Variants in CHMP3 observed in about 807,000 individuals in gnomAD.
CHMP3 encodes the protein charged multivesicular body protein 3, also known as 25.1 protein.
A neutral mutation model predicts 27.4 loss-of-function variants in CHMP3; 8 were observed. The observed-to-expected ratio is 0.29, with a 90% confidence interval of 0.17 to 0.53. CHMP3 has a LOEUF of 0.53. CHMP3 is among the 20% of genes least tolerant of loss of function. The pLI is 0.96. For missense variants in CHMP3, 208 were observed against 271.5 expected, an observed-to-expected ratio of 0.77 and a Z score of 1.64; for synonymous variants, 86 against 85.5, an observed-to-expected ratio of 1.01 and a Z score of -0.03.
intron 3 of CHMP3, chr2:86,511,514 T>TA (rs1171345863): frequency 8.6e-5 from 13 of 151,890 alleles, no homozygotes; most frequent in Non-Finnish European, 1.5e-4. Flanking sequence ...ATTAAAATGA[T>TA]AAAAAAGTTA....
At chr2:86,549,954 C>T (rs1333501022) in intron 1 of CHMP3, among the ~76,000 whole-genome samples, 2 of 152,014 alleles carry the variant, frequency 1.3e-5, no homozygotes, top group Non-Finnish European at 2.9e-5. Context: ...GGCTGATACG[C>T]TCCTCACTTC....
intron 2 of CHMP3, among the ~76,000 whole-genome samples, chr2:86,534,867 T>C (rs1263672270): frequency 5.3e-5 from 8 of 152,332 alleles, no homozygotes; most frequent in African/African-American, 1.9e-4. Flanking sequence ...AGTCTCACTC[T>C]TGTAGACAGT....
chr2:86,513,756 A>G (rs2104747192), intron 3 of CHMP3, among the ~76,000 whole-genome samples: 1 of 152,356 alleles, frequency 6.6e-6, no homozygotes, highest in Middle Eastern at 3.4e-3. Flanking sequence ...TGCCATTTGT[A>G]TCATGAGACT....
chr2:86,544,901 C>T (rs1471632795), intron 1 of CHMP3, among the ~76,000 whole-genome samples: 9 of 152,066 alleles, frequency 5.9e-5, no homozygotes, highest in East Asian at 3.9e-4. Flanking sequence ...CGGGCAGAGG[C>T]GCTCCTCACT....
At chr2:86,561,738 AGT>A (rs900605033) in intron 1 of CHMP3, 72 of 152,352 alleles carry the variant, frequency 4.7e-4, no homozygotes, top group African/African-American at 1.6e-3. Flanking sequence ...CCTACTGAAG[AGT>A]GTACCAATAT....
chr2:86,544,344 T>C (rs1182669518), intron 1 of CHMP3, among the ~76,000 whole-genome samples: 1 of 151,776 alleles, frequency 6.6e-6, no homozygotes, highest in East Asian at 1.9e-4. Context: ...CATTTTCTTT[T>C]TTTTTTTTTT....
At position 86,504,425 on chromosome 2, in the gene CHMP3, T is replaced by A. The variant is rs904393030; in HGVS notation, c.*1379A>T. The A allele has an allele frequency of 2.0e-5, 3 of 152,040 alleles. No individual in the cohort carries two copies. Among genetic ancestry groups the A allele is most frequent in the Admixed American group, 6.6e-5 (1 of 15,264 alleles). 9.4% of individuals were successfully genotyped at this position (152,040 alleles called of 1,614,324 possible). ...ACAACTGATTTAAAAAAATAATTATTTAAAATAATTTTTTAACTACACTCT... is the reference window on the plus strand; with the variant it reads ...ACAACTGATTTAAAAAAATAATTATATAAAATAATTTTTTAACTACACTCT... On this transcript the variant is annotated 3_prime_UTR_variant, in exon 6 of 6. Coordinates refer to ENST00000263856, the MANE Select transcript of CHMP3 (RefSeq NM_016079.4).
At chr2:86,510,709 C>A (rs922166042) in intron 3 of CHMP3, 1 of 493,970 alleles carries the variant, frequency 2.0e-6, no homozygotes, top group Admixed American at 3.8e-5. Flanking sequence ...CACCACATGA[C>A]CAATCTGGAG....
Position 86,507,508 on chromosome 2 carries a change from A to G in CHMP3, c.494T>C (p.Ile165Thr). The G allele has an allele frequency of 3.7e-6, 6 of 1,614,134 alleles. No homozygotes were observed. Among genetic ancestry groups the G allele is most frequent in the Non-Finnish European group, 5.1e-6 (6 of 1,180,026 alleles). The change falls in exon 5 of 6, where the codon ATT (isoleucine) becomes ACT (threonine). Residue 165 changes from isoleucine (I) to threonine (T), a missense_variant. Physicochemically the swap from Ile to Thr is moderately conservative, Grantham distance 89. Coordinates refer to ENST00000263856, the MANE Select transcript of CHMP3 (RefSeq NM_016079.4). ...EEMEEEAEME[I>T]DRILFEITAG... is the part of the protein sequence containing the mutation. The stretch of plus-strand genomic sequence containing the variant: ...TGTAATTTCAAAGAGAATTCTGTCA[A>G]TTTCCATTTCTGCTTCTTCCTCCAT...
At chr2:86,532,869 A>AT (rs1159428176) in intron 2 of CHMP3, among the ~76,000 whole-genome samples, 1 of 152,238 alleles carries the variant, frequency 6.6e-6, no homozygotes, top group Non-Finnish European at 1.5e-5. Flanking sequence ...ACCAATGTTC[A>AT]TAAGAGACAC....
chr2:86,507,394 AAAG>A (rs1674926287), intron 5 of CHMP3, 82 bp downstream of exon 5: 4 of 1,215,056 alleles, frequency 3.3e-6, no homozygotes, highest in Non-Finnish European at 4.8e-6. Flanking sequence ...GTTAATGCCT[AAAG>A]AAAAAGCTAC....
chr2:86,513,156 T>C (rs972654106), intron 3 of CHMP3, among the ~76,000 whole-genome samples: 6 of 152,174 alleles, frequency 3.9e-5, no homozygotes, highest in African/African-American at 1.4e-4. Flanking sequence ...GTCCAGACAA[T>C]GGAATATTAT....
Position 86,505,960 on chromosome 2 carries a change from A to G in CHMP3, c.524-11T>C, listed in dbSNP as rs1356956869. On this transcript the variant is annotated splice_polypyrimidine_tract_variant and intron_variant, in intron 5 of 5. Coordinates refer to ENST00000263856, the MANE Select transcript of CHMP3 (RefSeq NM_016079.4). ...CTTTGCCCAAGGCCCCTGAAAAGAA[A>G]GAGCAAAGATGAACACCACATTGGC... is the stretch of plus-strand genomic sequence containing the variant. The G allele has an allele frequency of 1.9e-6, 3 of 1,545,616 alleles. No homozygotes were observed. The highest frequency in any genetic ancestry group is 2.6e-6 in the Non-Finnish European group (3 of 1,139,976).
intron 2 of CHMP3, among the ~76,000 whole-genome samples, chr2:86,531,006 GC>G (rs1238103717): frequency 6.6e-6 from 1 of 152,086 alleles, no homozygotes. Context: ...GAAGTCTTTT[GC>G]CCATTTTTGA....
chr2:86,517,104 A>G (rs1675337365), intron 3 of CHMP3, among the ~76,000 whole-genome samples: 1 of 152,188 alleles, frequency 6.6e-6, no homozygotes, highest in Non-Finnish European at 1.5e-5. Context: ...TTTTCTAAAA[A>G]CATAAGCCTT....
At chr2:86,544,892 G>A (rs555874076) in intron 1 of CHMP3, among the ~76,000 whole-genome samples, 15 of 152,058 alleles carry the variant, frequency 9.9e-5, no homozygotes, top group East Asian at 1.9e-4. Flanking sequence ...CGGGGCGACC[G>A]GGCAGAGGCG....
intron 1 of CHMP3, among the ~76,000 whole-genome samples, chr2:86,556,993 T>TA (rs1677150698): frequency 1.3e-5 from 2 of 152,228 alleles, no homozygotes; most frequent in Non-Finnish European, 2.9e-5. Flanking sequence ...CAGTGGATGA[T>TA]AGAGAATAAA....
intron 2 of CHMP3, among the ~76,000 whole-genome samples, chr2:86,536,745 T>G (rs988119074): frequency 2.0e-5 from 3 of 152,228 alleles, no homozygotes; most frequent in African/African-American, 7.2e-5. Context: ...ATTCCTATCT[T>G]TCATCAAATC....
intron 3 of CHMP3, among the ~76,000 whole-genome samples, chr2:86,513,503 G>T (rs1675181499): frequency 6.6e-6 from 1 of 152,128 alleles, no homozygotes; most frequent in Non-Finnish European, 1.5e-5. Flanking sequence ...ATGGACTTTG[G>T]GTGATAATGA....
Sources: allele counts gnomAD v4.1 joint callset (sites outside exome capture counted in the v4.1 genomes callset), GRCh38; gene constraint gnomAD v4.1.1; transcripts MANE v1.5; gene names NCBI Gene and HGNC (gene_info 2026-07-23, HGNC 2026-07-21).